The following RANBP2 variants were observed in gnomAD, a reference collection of about 807,000 sequenced individuals.
RANBP2 encodes E3 SUMO-protein ligase RanBP2.
A neutral mutation model predicts 303.6 loss-of-function variants in RANBP2; 57 were observed. That is an observed-to-expected ratio of 0.19 (90% CI 0.15 to 0.23). The LOEUF is 0.23. Among genes scored for constraint, RANBP2 ranks in the 10% least tolerant of loss-of-function variants. The pLI, the probability that RANBP2 is intolerant of heterozygous loss-of-function variation, is 1.00. For missense variants in RANBP2, 3,138 were observed against 3,780.8 expected, an observed-to-expected ratio of 0.83 and a Z score of 4.46; for synonymous variants, 1,167 against 1,301.5, an observed-to-expected ratio of 0.90 and a Z score of 2.23.
the RANBP2 span, chr2:108,857,096 T>A: frequency 1.0e-5 from 4 of 392,604 alleles, no homozygotes; most frequent in Admixed American, 1.8e-4. Flanking sequence ...TTTTTTTTTT[T>A]TGAGATGGAG....
At chr2:109,372,526 T>G in the RANBP2 span, among the ~76,000 whole-genome samples, 2 of 152,246 alleles carry the variant, frequency 1.3e-5, no homozygotes, top group Non-Finnish European at 2.9e-5. Context: ...TACCTGCTCA[T>G]TTAATCTTCT....
At chr2:108,779,223 G>A (rs1181864219) in intron 25 of RANBP2, among the ~76,000 whole-genome samples, 1 of 152,052 alleles carries the variant, frequency 6.6e-6, no homozygotes, top group African/African-American at 2.4e-5. Flanking sequence ...GTGCAGTGGC[G>A]CAGATCTCAG....
chr2:109,224,542 C>T, the RANBP2 span, among the ~76,000 whole-genome samples: 5 of 152,282 alleles, frequency 3.3e-5, no homozygotes, highest in Middle Eastern at 6.8e-3. Flanking sequence ...ATGTGGCCGG[C>T]GTGGCTCAGG....
the RANBP2 span, among the ~76,000 whole-genome samples, chr2:109,516,182 C>T: frequency 6.6e-6 from 1 of 152,086 alleles, no homozygotes; most frequent in Non-Finnish European, 1.5e-5. Flanking sequence ...GCCCACCAGG[C>T]CTCCTGGCAC....
At chr2:108,728,964 G>A (rs1286191628) in intron 1 of RANBP2, among the ~76,000 whole-genome samples, 168 bp from the exon 2 acceptor site, 1 of 152,040 alleles carries the variant, frequency 6.6e-6, no homozygotes, top group Non-Finnish European at 1.5e-5. Flanking sequence ...TTTTGTGATA[G>A]GAAATTATAA....
At chr2:109,606,279 G>A in the RANBP2 span, among the ~76,000 whole-genome samples, 9 of 152,082 alleles carry the variant, frequency 5.9e-5, no homozygotes, top group African/African-American at 2.2e-4. Context: ...GCTGGGTGTG[G>A]TGGCACATGC....
At chr2:108,758,195 G>A (rs1349556990) in intron 17 of RANBP2, among the ~76,000 whole-genome samples, 1 of 151,764 alleles carries the variant, frequency 6.6e-6, no homozygotes, top group Non-Finnish European at 1.5e-5. Context: ...TACTCAGGGC[G>A]CTGAAGTGGG....
chr2:109,452,218 C>T, the RANBP2 span, among the ~76,000 whole-genome samples: 1 of 152,214 alleles, frequency 6.6e-6, no homozygotes, highest in East Asian at 1.9e-4. Context: ...GTGTGACCTG[C>T]ACCAGCAGAC....
the RANBP2 span, among the ~76,000 whole-genome samples, chr2:109,663,156 G>T: frequency 6.6e-6 from 1 of 152,140 alleles, no homozygotes; most frequent in African/African-American, 2.4e-5. Flanking sequence ...TACCTGAAAT[G>T]CTCCCATTGA....
the RANBP2 span, among the ~76,000 whole-genome samples, chr2:109,601,036 T>A: frequency 1.3e-5 from 2 of 152,216 alleles, no homozygotes; most frequent in African/African-American, 2.4e-5. Flanking sequence ...TGTGTAAGCC[T>A]CCATGTGTTT....
At chr2:109,227,937 A>G in the RANBP2 span, among the ~76,000 whole-genome samples, 1 of 152,154 alleles carries the variant, frequency 6.6e-6, no homozygotes, top group Non-Finnish European at 1.5e-5. Flanking sequence ...TGTTTCCCAA[A>G]CAAACGTGCA....
At chr2:109,614,604 A>AT in the RANBP2 span, 1 of 1,454,600 alleles carries the variant, frequency 6.9e-7, no homozygotes. Flanking sequence ...GCAGCACTTC[A>AT]GGGGCGCCCT....
At chr2:108,960,153 C>G in the RANBP2 span, among the ~76,000 whole-genome samples, 1 of 152,252 alleles carries the variant, frequency 6.6e-6, no homozygotes, top group African/African-American at 2.4e-5. Context: ...GGTGGGGATC[C>G]CAGCCCTGGC....
At chr2:109,630,610 C>T in the RANBP2 span, among the ~76,000 whole-genome samples, 1 of 152,184 alleles carries the variant, frequency 6.6e-6, no homozygotes, top group African/African-American at 2.4e-5. Flanking sequence ...CCTCCTTTCT[C>T]TAGGACCGAT....
At chr2:108,937,265 G>A in the RANBP2 span, among the ~76,000 whole-genome samples, 2 of 152,216 alleles carry the variant, frequency 1.3e-5, no homozygotes, top group Non-Finnish European at 2.9e-5. Context: ...AGGGCTATGA[G>A]GGGCAAACTG....
the RANBP2 span, among the ~76,000 whole-genome samples, chr2:109,071,094 G>A: frequency 6.6e-6 from 1 of 152,190 alleles, no homozygotes; most frequent in African/African-American, 2.4e-5. Context: ...GATCAGTGGT[G>A]CTTTCACACT....
At chr2:108,820,061 AGCAGACTTCATTAC>A in the RANBP2 span, among the ~76,000 whole-genome samples, 624 of 152,324 alleles carry the variant, frequency 4.1e-3, 7 homozygotes, top group African/African-American at 0.015. Flanking sequence ...AAAAGTCAAC[AGCAGACTTCATTAC>A]GCAGAAGACA....
At chr2:108,945,353 T>TC in the RANBP2 span, among the ~76,000 whole-genome samples, 1 of 152,120 alleles carries the variant, frequency 6.6e-6, no homozygotes, top group Non-Finnish European at 1.5e-5. Context: ...TATTTATTTA[T>TC]CCCCATGCCA....
At chr2:108,841,886 T>C in the RANBP2 span, among the ~76,000 whole-genome samples, 10 of 152,306 alleles carry the variant, frequency 6.6e-5, no homozygotes, top group East Asian at 1.7e-3. Context: ...TCCTTTATAG[T>C]GTATTGAGTG....
Sources: allele counts gnomAD v4.1 joint callset (sites outside exome capture counted in the v4.1 genomes callset), GRCh38; gene constraint gnomAD v4.1.1; transcripts MANE v1.5; gene names NCBI Gene and HGNC (gene_info 2026-07-23, HGNC 2026-07-21).